KCNN3: variants seen among roughly 807,000 people sequenced by gnomAD.
The protein encoded by KCNN3 is potassium calcium-activated channel subfamily N member 3, also known as small conductance calcium-activated potassium channel protein 3.
A neutral mutation model predicts 62.9 loss-of-function variants in KCNN3; 16 were observed. That is an observed-to-expected ratio of 0.25 (90% confidence interval 0.17 to 0.39). The LOEUF (loss-of-function observed/expected upper bound fraction) is 0.39, where lower values mean the gene tolerates loss of function less well. Ranked by LOEUF, KCNN3 falls within the 10% of genes least tolerant of loss-of-function variation. KCNN3 has a pLI of 1.00. For synonymous variants in KCNN3, 370 were observed against 389.2 expected, an observed-to-expected ratio of 0.95 and a Z score of 0.58; for missense variants, 599 against 949.4, an observed-to-expected ratio of 0.63 and a Z score of 4.85.
intron 2 of KCNN3, among the ~76,000 whole-genome samples, chr1:154,790,350 T>C (rs926626196): frequency 1.3e-5 from 2 of 152,180 alleles, no homozygotes; most frequent in Non-Finnish European, 2.9e-5. Context: ...CCGTTGTAAA[T>C]TGAAAATATT....
chr1:154,763,161 T>A (rs1023633255), intron 3 of KCNN3, among the ~76,000 whole-genome samples: 67 of 152,240 alleles, frequency 4.4e-4, no homozygotes, highest in African/African-American at 1.6e-3. Context: ...CAGTAGTTAT[T>A]CTCCATTAAA....
chr1:154,792,402 G>A (rs58673903), intron 2 of KCNN3, among the ~76,000 whole-genome samples: 5,194 of 152,266 alleles, frequency 0.034, 97 homozygotes, highest in African/African-American at 0.048. Flanking sequence ...GAAACAGGTG[G>A]GACTTGTCCT....
In KCNN3 at chr1:154,869,823, G is replaced by A. The variant is rs1339522227; in HGVS notation, c.142C>T (p.Pro48Ser). The A allele has an allele frequency of 6.4e-7, 1 of 1,564,388 alleles. No homozygotes were observed. The highest frequency in any genetic ancestry group is 8.7e-7 in the Non-Finnish European group (1 of 1,154,208). ...QQQQPPPPAPPAAPQQPLGPS... is the reference protein window; with the variant it reads ...QQQQPPPPAPSAAPQQPLGPS... ...CCCAGGGGCTGCTGGGGGGCTGCTG[G>A]TGGCGCTGGCGGTGGTGGCTGCTGC... is the stretch of plus-strand genomic sequence containing the variant. The change falls in exon 1 of 8, where the codon CCA (proline) becomes TCA (serine). Residue 48 changes from proline (P) to serine (S), a missense_variant. By Grantham distance (74) the Pro-to-Ser change is moderately conservative. This residue lies in a region of KCNN3 where 59 missense variants were observed against 62.4 expected (regional missense o/e 0.95). Transcript: ENST00000271915. The surrounding 1 kb of genome is among the most constrained non-coding windows in gnomAD (Gnocchi z 6.1).
At chr1:154,828,259 C>T (rs183793495) in intron 1 of KCNN3, among the ~76,000 whole-genome samples, 7 of 152,252 alleles carry the variant, frequency 4.6e-5, no homozygotes, top group African/African-American at 1.2e-4. Context: ...GAACCTTCTC[C>T]GAAGTTCAGT....
At chr1:154,792,586 C>T (rs890072668) in intron 2 of KCNN3, among the ~76,000 whole-genome samples, 1 of 152,162 alleles carries the variant, frequency 6.6e-6, no homozygotes, top group African/African-American at 2.4e-5. Context: ...TCCCTTATTC[C>T]AGTTTAACTG....
intron 2 of KCNN3, among the ~76,000 whole-genome samples, chr1:154,792,677 A>T (rs1649566842): frequency 6.6e-6 from 1 of 152,202 alleles, no homozygotes; most frequent in Admixed American, 6.5e-5. Context: ...AGAGACGGAA[A>T]GAGAGAGAAT....
At chr1:154,730,710 G>A (rs1429604239) in intron 4 of KCNN3, among the ~76,000 whole-genome samples, 1 of 152,152 alleles carries the variant, frequency 6.6e-6, no homozygotes, top group East Asian at 1.9e-4. Context: ...TTATGCACAG[G>A]GTTTTGTACA....
Position 154,708,147 on chromosome 1 carries a change from C to A in KCNN3, c.2025G>T (p.Leu675=). The A allele has an allele frequency of 6.2e-7, 1 of 1,613,778 alleles. No homozygotes were observed. The highest frequency in any genetic ancestry group is 8.5e-7 in the Non-Finnish European group (1 of 1,180,028). The part of the protein sequence containing the change: ...HLTASFNSLP[L]LIADTLRQQQ... Reference sequence around the variant, plus strand: ...GCTGGCGCAGGGTGTCGGCGATGAGCAGCGGCAGGGAGTTGAAGCTGGCGG... The same window carrying A: ...GCTGGCGCAGGGTGTCGGCGATGAGAAGCGGCAGGGAGTTGAAGCTGGCGG... Residue 675 remains leucine (L), a synonymous_variant, in exon 8 of 8, where the codon CTG becomes CTT. Transcript: ENST00000271915.
chr1:154,854,636 G>A (rs191687331), intron 1 of KCNN3, among the ~76,000 whole-genome samples: 72 of 152,234 alleles, frequency 4.7e-4, no homozygotes, highest in Non-Finnish European at 8.1e-4. Context: ...CTACAGTCAT[G>A]TGTCCCATAA....
At position 154,699,101 on chromosome 1, in the gene KCNN3, T is replaced by C. The variant is rs1459393872; in HGVS notation, c.*8875A>G. 6.6e-6 allele frequency: 1 copy of C among 151,504 alleles called. No individual in the cohort carries two copies. Among genetic ancestry groups the C allele is most frequent in the Non-Finnish European group, 1.5e-5 (1 of 67,926 alleles). 9.4% of individuals were successfully genotyped at this position (151,504 alleles called of 1,614,324 possible). On this transcript the variant is annotated 3_prime_UTR_variant, in exon 8 of 8. Coordinates refer to ENST00000271915, the MANE Select transcript of KCNN3 (RefSeq NM_002249.6). ...AAACAAAGTCACTGAAACAGAAAAA[T>C]GTTTTCCAAAGGAAAAATGTTTCCT...
intron 4 of KCNN3, among the ~76,000 whole-genome samples, chr1:154,729,756 C>G (rs976734150): frequency 6.6e-6 from 1 of 152,216 alleles, no homozygotes; most frequent in Non-Finnish European, 1.5e-5. Context: ...AGAAGCTCAT[C>G]TTCTAAAACT....
intron 1 of KCNN3, among the ~76,000 whole-genome samples, chr1:154,823,128 C>A (rs1160702093): frequency 6.6e-6 from 1 of 152,236 alleles, no homozygotes; most frequent in Non-Finnish European, 1.5e-5. Flanking sequence ...TAAGTGTTAA[C>A]TACCCTTATC....
chr1:154,720,590 C>A (rs1467500536), intron 5 of KCNN3, among the ~76,000 whole-genome samples: 3 of 152,144 alleles, frequency 2.0e-5, no homozygotes, highest in Non-Finnish European at 2.9e-5. Context: ...TTTCTTCTAG[C>A]AAGATTATGA....
At chr1:154,845,351 G>A (rs1652009591) in intron 1 of KCNN3, among the ~76,000 whole-genome samples, 1 of 152,138 alleles carries the variant, frequency 6.6e-6, no homozygotes, top group Non-Finnish European at 1.5e-5. Context: ...AGTGCCTGTG[G>A]GCTAAGCTTA....
intron 3 of KCNN3, among the ~76,000 whole-genome samples, chr1:154,753,974 C>T (rs1195806106): frequency 6.6e-6 from 1 of 152,196 alleles, no homozygotes; most frequent in Non-Finnish European, 1.5e-5. Flanking sequence ...TATGAGCGCA[C>T]GTTTCTGACT....
rs557553959 is a variant in KCNN3, at chr1:154,733,048, G to C, written c.1545C>G (p.Pro515=). 1.9e-6 allele frequency: 3 copies of C among 1,613,996 alleles called. No homozygotes were observed. The highest frequency in any genetic ancestry group is 2.5e-6 in the Non-Finnish European group (3 of 1,179,996). ...FLSIGYGDMV[P]HTYCGKGVCL... is the part of the protein sequence containing the mutation. ...AGACACCTTTCCCACAGTATGTGTGGGGCACCATGTCCCCATAACCAATGG... is the reference window on the plus strand; with the variant it reads ...AGACACCTTTCCCACAGTATGTGTGCGGCACCATGTCCCCATAACCAATGG... Residue 515 remains proline (P), a synonymous_variant, in exon 4 of 8, where the codon CCC becomes CCG. Transcript: ENST00000271915.
intron 2 of KCNN3, among the ~76,000 whole-genome samples, chr1:154,782,239 G>A (rs980633183): frequency 1.3e-5 from 2 of 152,224 alleles, no homozygotes; most frequent in African/African-American, 4.8e-5. Context: ...CCAGGGCCAT[G>A]TGCACCATGT....
intron 1 of KCNN3, among the ~76,000 whole-genome samples, chr1:154,850,308 A>G (rs1363895039): frequency 2.0e-5 from 3 of 152,222 alleles, no homozygotes; most frequent in Non-Finnish European, 2.9e-5. Context: ...CCTGCAACCA[A>G]CAAGGGTCAG....
intron 3 of KCNN3, among the ~76,000 whole-genome samples, chr1:154,767,633 C>T (rs913111637): frequency 7.2e-5 from 11 of 152,214 alleles, no homozygotes; most frequent in African/African-American, 2.7e-4. Context: ...AGTAAAGCTG[C>T]TTGGCACTTG....
Sources: allele counts gnomAD v4.1 joint callset (sites outside exome capture counted in the v4.1 genomes callset), GRCh38; gene constraint gnomAD v4.1.1; regional missense constraint gnomAD v4.1.1; non-coding constraint Gnocchi (gnomAD v3.1); transcripts MANE v1.5; gene names NCBI Gene and HGNC (gene_info 2026-07-23, HGNC 2026-07-21).